The following VTI1A variants were observed in gnomAD, a reference collection of about 807,000 sequenced individuals.
The protein encoded by VTI1A is vesicle transport through interaction with t-SNAREs 1A, also known as vesicle transport through interaction with t-SNAREs homolog 1A.
A neutral mutation model predicts 34.9 loss-of-function variants in VTI1A; 22 were observed. The observed-to-expected ratio is 0.63, with a 90% CI of 0.45 to 0.90. VTI1A has a LOEUF of 0.90. VTI1A is among the 40% of genes least tolerant of loss of function. VTI1A has a pLI of 0.00. For synonymous variants in VTI1A, 87 were observed against 97.3 expected, an observed-to-expected ratio of 0.89 and a Z score of 0.62; for missense variants, 268 against 275.6, an observed-to-expected ratio of 0.97 and a Z score of 0.20.
At chr10:112,798,647 T>C (rs1852760229) in intron 7 of VTI1A, among the ~76,000 whole-genome samples, 1 of 152,196 alleles carries the variant, frequency 6.6e-6, no homozygotes, top group African/African-American at 2.4e-5. Context: ...TTCTTTATCT[T>C]CATCAAATCC....
intron 3 of VTI1A, among the ~76,000 whole-genome samples, chr10:112,490,456 T>C (rs922236492): frequency 6.6e-6 from 1 of 152,200 alleles, no homozygotes; most frequent in Admixed American, 6.5e-5. Flanking sequence ...ATAAATACTG[T>C]TTTACAGATT....
chr10:112,848,086 A>G, the VTI1A span, among the ~76,000 whole-genome samples: 49 of 152,362 alleles, frequency 3.2e-4, no homozygotes, highest in South Asian at 7.9e-3. Flanking sequence ...TAGCTAATTG[A>G]AACATTCCCA....
intron 4 of VTI1A, among the ~76,000 whole-genome samples, chr10:112,533,244 G>C (rs1056479733): frequency 6.6e-6 from 1 of 151,952 alleles, no homozygotes; most frequent in African/African-American, 2.4e-5. Context: ...CTATGAAGTC[G>C]TTCCCCTTTA....
chr10:112,518,579 CTCTCTCTCTCTATATA>C (rs1199480074), intron 3 of VTI1A, among the ~76,000 whole-genome samples: 16 of 96,510 alleles, frequency 1.7e-4, no homozygotes, highest in African/African-American at 6.1e-4. Context: ...CTCTCTCTCT[CTCTCTCTCTCTATATA>C]TATATATATA....
intron 7 of VTI1A, among the ~76,000 whole-genome samples, chr10:112,787,698 C>CTTT (rs34862909): frequency 5.2e-4 from 54 of 103,178 alleles, no homozygotes; most frequent in African/African-American, 1.2e-3. Flanking sequence ...TTTTTCTTTT[C>CTTT]TTTTTTTTTT....
intron 3 of VTI1A, among the ~76,000 whole-genome samples, chr10:112,473,698 G>A (rs947320914): frequency 3.9e-5 from 6 of 152,136 alleles, no homozygotes; most frequent in South Asian, 2.1e-4. Flanking sequence ...TTTTTACTGC[G>A]GCTCATCAAA....
intron 7 of VTI1A, among the ~76,000 whole-genome samples, chr10:112,694,541 AAGC>A (rs1848717087): frequency 6.6e-6 from 1 of 152,130 alleles, no homozygotes; most frequent in Non-Finnish European, 1.5e-5. Context: ...TAATGTCTGG[AAGC>A]ATGCCTCTGA....
chr10:112,809,369 G>C (rs765961314), intron 7 of VTI1A, among the ~76,000 whole-genome samples: 1 of 152,230 alleles, frequency 6.6e-6, no homozygotes, highest in Non-Finnish European at 1.5e-5. Flanking sequence ...GTTTTGGGAA[G>C]TGCCTAGAGA....
At chr10:112,779,703 T>G (rs1273977622) in intron 7 of VTI1A, among the ~76,000 whole-genome samples, 1 of 152,214 alleles carries the variant, frequency 6.6e-6, no homozygotes, top group East Asian at 1.9e-4. Context: ...TCAACATATG[T>G]TTTTCCTCAT....
intron 5 of VTI1A, among the ~76,000 whole-genome samples, chr10:112,617,681 T>C (rs1415994049): frequency 6.6e-6 from 1 of 152,072 alleles, no homozygotes; most frequent in African/African-American, 2.4e-5. Context: ...CTTTGGACTT[T>C]GTTGCATATG....
intron 3 of VTI1A, among the ~76,000 whole-genome samples, chr10:112,510,420 G>A (rs1849567056): frequency 6.6e-6 from 1 of 152,100 alleles, no homozygotes; most frequent in African/African-American, 2.4e-5. Flanking sequence ...GATTGCTTGA[G>A]GCCAGGAGTT....
At position 112,668,987 on chromosome 10, in the gene VTI1A, G is replaced by A; in HGVS notation, c.549G>A (p.Gly183=). 1.2e-6 allele frequency: 2 copies of A among 1,612,288 alleles called. No homozygotes were observed. Among genetic ancestry groups the A allele is most frequent in the East Asian group, 2.2e-5 (1 of 44,858 alleles). Reference sequence around the variant, plus strand: ...GAAAAAGCTCCAGGATTCTGACAGGGATGTTGCGAAGGTAAGAGCAAGGTA... The same window carrying A: ...GAAAAAGCTCCAGGATTCTGACAGGAATGTTGCGAAGGTAAGAGCAAGGTA... ...NLGKSSRILT[G]MLRRIIQNRI... is the part of the protein sequence containing the mutation. The change falls in exon 7 of 8, where the codon GGG becomes GGA. Residue 183 remains glycine, a synonymous_variant. Coordinates refer to ENST00000393077, the MANE Select transcript of VTI1A (RefSeq NM_145206.4).
At position 112,472,228 on chromosome 10, in the gene VTI1A, A is replaced by T. The variant is rs140095504; in HGVS notation, c.264+7571A>T. 1.2e-4 allele frequency among the ~76,000 whole-genome samples: 19 copies of T among 152,354 alleles called. No homozygotes were observed. In the East Asian group the frequency reaches 3.5e-3, roughly 28 times the overall value. ...CTCAAGTTCACTTCTATCCCAGGTC[A>T]GTGGTGCCCGAATGCTGCCTTTTCC... On this transcript the variant is annotated intron_variant, in intron 3 of 7. Coordinates refer to ENST00000393077, the MANE Select transcript of VTI1A (RefSeq NM_145206.4).
intron 7 of VTI1A, among the ~76,000 whole-genome samples, chr10:112,693,414 G>A: frequency 6.6e-6 from 1 of 151,906 alleles, no homozygotes; most frequent in East Asian, 1.9e-4. Flanking sequence ...AGGCGTGGTG[G>A]TGGGCACCTG....
intron 7 of VTI1A, among the ~76,000 whole-genome samples, chr10:112,680,045 A>G (rs1848162411): frequency 6.6e-6 from 1 of 152,234 alleles, no homozygotes; most frequent in African/African-American, 2.4e-5. Flanking sequence ...TGAGAAAATG[A>G]GATATTGTTA....
chr10:112,750,840 T>G (rs1851076988), intron 7 of VTI1A, among the ~76,000 whole-genome samples: 1 of 152,224 alleles, frequency 6.6e-6, no homozygotes, highest in Non-Finnish European at 1.5e-5. Context: ...AATTAGATAT[T>G]GTGCAATAGA....
intron 4 of VTI1A, among the ~76,000 whole-genome samples, chr10:112,535,781 A>G (rs1185390819): frequency 6.6e-6 from 1 of 152,218 alleles, no homozygotes; most frequent in Non-Finnish European, 1.5e-5. Context: ...CTGCTACTGT[A>G]GTGTATTTCC....
At chr10:112,608,393 C>A (rs1845169076) in intron 5 of VTI1A, among the ~76,000 whole-genome samples, 1 of 152,062 alleles carries the variant, frequency 6.6e-6, no homozygotes, top group African/African-American at 2.4e-5. Context: ...TTTGAGGAAG[C>A]TGTATAAATA....
chr10:112,645,054 T>C (rs886717246), intron 5 of VTI1A, among the ~76,000 whole-genome samples: 4 of 152,246 alleles, frequency 2.6e-5, no homozygotes, highest in African/African-American at 9.6e-5. Flanking sequence ...AAGTAGATTT[T>C]ATAATGTTAA....
Sources: gnomAD v4.1 joint callset for allele counts (sites outside exome capture counted in the v4.1 genomes callset) on GRCh38, gnomAD v4.1.1 for gene constraint, MANE v1.5 for transcripts, NCBI Gene and HGNC (gene_info 2026-07-23, HGNC 2026-07-21) for gene names.